FABP1: variants seen among roughly 807,000 people sequenced by gnomAD.
FABP1 encodes the protein fatty acid binding protein 1.
A neutral mutation model predicts 13.7 loss-of-function variants in FABP1; 13 were observed. The ratio of observed to expected loss-of-function variants is 0.95; its 90% CI spans 0.62 to 1.51. FABP1 has a LOEUF of 1.51. Ranked by LOEUF, FABP1 falls within the 40% of genes most tolerant of loss-of-function variation. The probability of loss-of-function intolerance (pLI) is 0.00; values close to 1 mark genes in which losing one functional copy is unlikely to be tolerated. For synonymous variants in FABP1, 48 were observed against 59.8 expected (o/e 0.80, Z 0.91); for missense variants, 140 against 155.7 (o/e 0.90, Z 0.54).
In FABP1 at chr2:88,124,541, T is replaced by C. The variant is rs1332943942; in HGVS notation, c.286A>G (p.Lys96Glu). 2 of 1,612,068 alleles carry C rather than the reference T, an allele frequency of 1.2e-6. No homozygotes were observed. Among genetic ancestry groups the C allele is most frequent in the South Asian group, 2.2e-5 (2 of 90,560 alleles). The change falls in exon 3 of 4, where the codon AAA (lysine) becomes GAA (glutamate). Residue 96 changes from lysine to glutamate, a missense_variant. Coordinates refer to ENST00000295834, the MANE Select transcript of FABP1 (RefSeq NM_001443.3). ...EGDNKLVTTF[K>E]NIKSVTELNG... Reference sequence around the variant, plus strand: ...AGTTCGGTCACAGACTTGATGTTTTTGAAAGTTGTCACCAGTTTATTGTCA... The same window carrying C: ...AGTTCGGTCACAGACTTGATGTTTTCGAAAGTTGTCACCAGTTTATTGTCA...
rs189385926 is a variant in FABP1, at chr2:88,126,233, G to T, written c.183C>A (p.Asn61Lys). 2.5e-6 allele frequency: 4 copies of T among 1,612,682 alleles called. No individual in the cohort carries two copies. Among genetic ancestry groups the T allele is most frequent in the Non-Finnish European group, 3.4e-6 (4 of 1,179,046 alleles). The stretch of plus-strand genomic sequence containing the variant: ...CACATTCCTCCCCCACCGTGAATTC[G>T]TTTTGGATCACTTTGGACCCAGCGG... ...TITAGSKVIQ[N>K]EFTVGEECEL... Residue 61 changes from asparagine (N) to lysine (K), a missense_variant, in exon 2 of 4, where the codon AAC (asparagine) becomes AAA (lysine). Transcript: ENST00000295834.
chr2:88,126,444 G>C (rs1675299718), intron 1 of FABP1, 96 bp from the exon 2 acceptor site: 2 of 1,280,112 alleles, frequency 1.6e-6, no homozygotes, highest in Non-Finnish European at 1.1e-6. Context: ...TGGAGGGACA[G>C]AGAAGGGCAC....
Position 88,126,162 on chromosome 2 carries a change from G to C in FABP1, c.240+14C>G, listed in dbSNP as rs192194517. 6.3e-7 allele frequency: 1 copy of C among 1,592,990 alleles called. No individual in the cohort carries two copies. The highest frequency in any genetic ancestry group is 1.3e-5 in the African/African-American group (1 of 74,618). ...CCAAGGAAAGTTCTGACAGCAGAAG[G>C]GATGCCCTCCTACCTTGACTTTCTC... is the stretch of plus-strand genomic sequence containing the variant. On this transcript the variant is annotated intron_variant, in intron 2 of 3. Coordinates refer to ENST00000295834, the MANE Select transcript of FABP1 (RefSeq NM_001443.3).
At position 88,127,959 on chromosome 2, in the gene FABP1, T is replaced by C; in HGVS notation, c.59A>G (p.Lys20Arg). 1 of 1,614,214 alleles carries C rather than the reference T, an allele frequency of 6.2e-7. No homozygotes were observed. Among genetic ancestry groups the C allele is most frequent in the Non-Finnish European group, 8.5e-7 (1 of 1,180,030 alleles). The change falls in exon 1 of 4, where the codon AAG (lysine) becomes AGG (arginine). Residue 20 changes from lysine (K) to arginine (R), a missense_variant. By Grantham distance (26) the Lys-to-Arg change is conservative. Transcript: ENST00000295834. ...QSQENFEAFMKAIGLPEELIQ... is the reference protein window; with the variant it reads ...QSQENFEAFMRAIGLPEELIQ... ...TTCAGTCCAGCACTCACCGATTGCC[T>C]TCATGAAGGCTTCAAAGTTTTCCTG... is the stretch of plus-strand genomic sequence containing the variant.
In FABP1 at chr2:88,127,988, C is replaced by G. The variant is rs755462531; in HGVS notation, c.30G>C (p.Gln10His). ...TGAAGGCTTCAAAGTTTTCCTGGCT[C>G]TGCAGTTGGTACTTGCCGGAGAAAC... The part of the protein sequence containing the change: MSFSGKYQL[Q>H]SQENFEAFMK... Residue 10 changes from glutamine to histidine, a missense_variant, in exon 1 of 4, where the codon CAG becomes CAC. By Grantham distance (24) the Gln-to-His change is conservative. Coordinates refer to ENST00000295834, the MANE Select transcript of FABP1 (RefSeq NM_001443.3). 2 of 1,614,212 alleles carry G rather than the reference C, an allele frequency of 1.2e-6. No individual in the cohort carries two copies. The highest frequency in any genetic ancestry group is 1.7e-6 in the Non-Finnish European group (2 of 1,180,026).
At position 88,127,981 on chromosome 2, in the gene FABP1, C is replaced by T. The variant is rs780151352; in HGVS notation, c.37G>A (p.Glu13Lys). The part of the protein sequence containing the change: ...FSGKYQLQSQ[E>K]NFEAFMKAIG... ...GCCTTCATGAAGGCTTCAAAGTTTT[C>T]CTGGCTCTGCAGTTGGTACTTGCCG... The change falls in exon 1 of 4, where the codon GAA becomes AAA. Residue 13 changes from glutamate (E) to lysine (K), a missense_variant. Coordinates refer to ENST00000295834, the MANE Select transcript of FABP1 (RefSeq NM_001443.3). 3 of 1,614,212 alleles carry T rather than the reference C, an allele frequency of 1.9e-6. No individual in the cohort carries two copies. The highest frequency in any genetic ancestry group is 2.5e-6 in the Non-Finnish European group (3 of 1,180,036).
At chr2:88,125,668 C>T (rs1432206140) in intron 2 of FABP1, among the ~76,000 whole-genome samples, 2 of 152,196 alleles carry the variant, frequency 1.3e-5, no homozygotes, top group African/African-American at 2.4e-5. Flanking sequence ...TTTGTGACCA[C>T]CCCTGAAGGC....
chr2:88,124,041 G>C (rs1675250939), intron 3 of FABP1: 1 of 155,408 alleles, frequency 6.4e-6, no homozygotes, highest in Non-Finnish European at 1.4e-5. Context: ...TGGGGGCAAA[G>C]AAGAGTCAGG....
At chr2:88,125,740 G>T (rs942058887) in intron 2 of FABP1, among the ~76,000 whole-genome samples, 1 of 152,182 alleles carries the variant, frequency 6.6e-6, no homozygotes, top group Non-Finnish European at 1.5e-5. Context: ...CCTTCAAGAA[G>T]TCTCTCCCTA....
At chr2:88,125,747 C>T (rs1326387040) in intron 2 of FABP1, among the ~76,000 whole-genome samples, 2 of 152,174 alleles carry the variant, frequency 1.3e-5, no homozygotes, top group Non-Finnish European at 2.9e-5. Flanking sequence ...GAAGTCTCTC[C>T]CTATCACCAC....
At position 88,126,172 on chromosome 2, in the gene FABP1, C is replaced by T. The variant is rs780259154; in HGVS notation, c.240+4G>A. ...TTCTGACAGCAGAAGGGATGCCCTC[C>T]TACCTTGACTTTCTCCCCTGTCATT... On this transcript the variant is annotated splice_donor_region_variant and intron_variant, in intron 2 of 3. Coordinates refer to ENST00000295834, the MANE Select transcript of FABP1 (RefSeq NM_001443.3). The T allele has an allele frequency of 8.8e-6, 14 of 1,599,796 alleles. No homozygotes were observed. Among genetic ancestry groups the T allele is most frequent in the Non-Finnish European group, 1.2e-5 (14 of 1,168,842 alleles).
intron 2 of FABP1, among the ~76,000 whole-genome samples, chr2:88,124,970 CTTCTT>C (rs927076301): frequency 1.6e-4 from 18 of 114,800 alleles, no homozygotes; most frequent in Non-Finnish European, 2.2e-4. Context: ...GGTATGTATT[CTTCTT>C]TTTTTTTTTT....
rs766322932 is a variant in FABP1, at chr2:88,126,239, G to T, written c.177C>A (p.Ile59=). ...KFTITAGSKV[I]QNEFTVGEEC... ...CCTCCCCCACCGTGAATTCGTTTTG[G>T]ATCACTTTGGACCCAGCGGTGATGG... The change falls in exon 2 of 4, where the codon ATC becomes ATA. Residue 59 remains isoleucine (I), a synonymous_variant. Coordinates refer to ENST00000295834, the MANE Select transcript of FABP1 (RefSeq NM_001443.3). 1 of 1,613,038 alleles carries T rather than the reference G, an allele frequency of 6.2e-7. No individual in the cohort carries two copies. The highest frequency in any genetic ancestry group is 2.2e-5 in the East Asian group (1 of 44,844).
intron 3 of FABP1, chr2:88,123,446 A>G (rs532663715): frequency 3.6e-6 from 1 of 276,204 alleles, no homozygotes; most frequent in Admixed American, 5.0e-5. Flanking sequence ...TGCACCAAAT[A>G]CATGTTGAGC....
intron 3 of FABP1, chr2:88,124,100 T>G: frequency 1.1e-5 from 2 of 186,332 alleles, no homozygotes; most frequent in Non-Finnish European, 1.1e-5. Flanking sequence ...CCAAATAGGG[T>G]ACAGGATGTG....
intron 1 of FABP1, among the ~76,000 whole-genome samples, chr2:88,126,922 A>C (rs1048015801): frequency 1.3e-5 from 2 of 152,216 alleles, no homozygotes; most frequent in Non-Finnish European, 2.9e-5. Context: ...ATGCTGTTAT[A>C]CAAATTGAGG....
At chr2:88,126,538 C>G (rs943081416) in intron 1 of FABP1, 190 bp from the exon 2 acceptor site, 6 of 550,140 alleles carry the variant, frequency 1.1e-5, no homozygotes, top group Non-Finnish European at 1.6e-5. Context: ...GGACAGTGAC[C>G]TGGCCTGGCC....
chr2:88,126,099 G>A (rs1675290824), intron 2 of FABP1, 77 bp downstream of exon 2: 2 of 1,461,872 alleles, frequency 1.4e-6, no homozygotes, highest in African/African-American at 2.8e-5. Flanking sequence ...GGAATTGTGA[G>A]GTTTGAGCCT....
At chr2:88,123,991 A>G (rs1545223) in intron 3 of FABP1, 43,995 of 152,782 alleles carry the variant, frequency 0.29, 7,061 homozygotes, top group Non-Finnish European at 0.33. Flanking sequence ...CAGCGCCCTG[A>G]GGCAGTGTTC....
Sources: allele counts gnomAD v4.1 joint callset (sites outside exome capture counted in the v4.1 genomes callset), GRCh38; gene constraint gnomAD v4.1.1; transcripts MANE v1.5; gene names NCBI Gene and HGNC (gene_info 2026-07-23, HGNC 2026-07-21).